The following CSAD variants were observed in gnomAD, a reference collection of about 807,000 sequenced individuals.
CSAD encodes the protein cysteine sulfinic acid decarboxylase, also known as P-selectin cytoplasmic tail-associated protein.
A neutral mutation model predicts 61.5 loss-of-function variants in CSAD; 47 were observed. That is an observed-to-expected ratio of 0.76 (90% CI 0.60 to 0.97). The LOEUF (loss-of-function observed/expected upper bound fraction) is 0.97. Ranked by LOEUF, CSAD falls within the 50% of genes least tolerant of loss-of-function variation. CSAD has a pLI of 0.00. For synonymous variants in CSAD, 245 were observed against 252.7 expected (o/e 0.97, Z 0.29); for missense variants, 611 against 643.6 (o/e 0.95, Z 0.55).
chr12:53,173,857 G>C, intron 2 of CSAD, 87 bp from the exon 3 acceptor site: 1 of 1,355,604 alleles, frequency 7.4e-7, no homozygotes, highest in South Asian at 1.2e-5. Context: ...CAAAGTTGTT[G>C]CAACCATCAT....
rs189662193 is a variant in CSAD at position 53,158,356 on chromosome 12, G to A, written c.*155C>T. ...TCACCTTATTGGCCAGGCTGGTCTC[G>A]AACTCCTGACCTCAAGTGATCCACC... On this transcript the variant is annotated 3_prime_UTR_variant, in exon 17 of 17. Transcript: ENST00000444623. 9.1e-3 allele frequency: 5,790 copies of A among 637,478 alleles called. 254 individuals carry two copies. In the African/African-American group the frequency reaches 0.096, roughly 11 times the overall value. 39.5% of individuals were successfully genotyped at this position (637,478 alleles called of 1,614,324 possible). A position where few individuals can be genotyped will look rare whatever the true frequency, so the allele number is the denominator to read the frequency against.
chr12:53,159,732 G>C lies in CSAD; in HGVS notation c.1219-20C>G. ...CTCAGGCTGAGAGGAATGAGAAAGA[G>C]GAAGGTGTGAGCTGAGAAAGGGGGA... On this transcript the variant is annotated intron_variant, in intron 15 of 16. Coordinates refer to ENST00000444623, the MANE Select transcript of CSAD (RefSeq NM_001244705.2). The C allele has an allele frequency of 6.3e-7, 1 of 1,595,646 alleles. No individual in the cohort carries two copies. The highest frequency in any genetic ancestry group is 8.6e-7 in the Non-Finnish European group (1 of 1,169,426).
intron 1 of CSAD, 136 bp downstream of exon 1, chr12:53,180,596 C>G (rs945052802): frequency 2.3e-6 from 3 of 1,285,210 alleles, no homozygotes; most frequent in Non-Finnish European, 3.0e-6. Context: ...CGTCCCCAAG[C>G]TCACCCGCTC....
intron 4 of CSAD, 49 bp downstream of exon 4, chr12:53,173,296 A>G: frequency 6.6e-7 from 1 of 1,521,556 alleles, no homozygotes; most frequent in South Asian, 1.2e-5. Flanking sequence ...GAAAAGAGAA[A>G]AGAAAAGAAA....
chr12:53,177,650 T>C (rs1353564090), intron 2 of CSAD, among the ~76,000 whole-genome samples: 1 of 152,010 alleles, frequency 6.6e-6, no homozygotes, highest in African/African-American at 2.4e-5. Context: ...TATTTATTTA[T>C]TTTTTGAGAC....
At chr12:53,170,559 G>A in intron 8 of CSAD, 57 bp from the exon 9 acceptor site, 2 of 1,384,424 alleles carry the variant, frequency 1.4e-6, no homozygotes, top group Non-Finnish European at 2.1e-6. Flanking sequence ...GGGAGAGAAG[G>A]TAAAAGTCAA....
At chr12:53,164,702 G>A (rs1244512924) in intron 10 of CSAD, 1 of 152,048 alleles carries the variant, frequency 6.6e-6, no homozygotes, top group African/African-American at 2.4e-5. Flanking sequence ...TAACAAACCT[G>A]CACATGTACT....
chr12:53,181,279 G>C (rs1175364712), upstream of CSAD: 1 of 985,296 alleles, frequency 1.0e-6, no homozygotes, highest in African/African-American at 1.7e-5. Flanking sequence ...TCCCGTTTCT[G>C]CCCGCCACCG....
At chr12:53,180,082 G>A (rs918000936) in intron 1 of CSAD, 1 of 1,390,984 alleles carries the variant, frequency 7.2e-7, no homozygotes. Context: ...GGAGGGCTGG[G>A]GCTTTGACTT....
At chr12:53,164,120 G>A (rs1191144262) in intron 10 of CSAD, among the ~76,000 whole-genome samples, 1 of 152,144 alleles carries the variant, frequency 6.6e-6, no homozygotes, top group East Asian at 1.9e-4. Context: ...TGGATCACAG[G>A]CCTAAATCCC....
chr12:53,166,197 G>T (rs1371225455), intron 10 of CSAD: 2 of 152,250 alleles, frequency 1.3e-5, no homozygotes, highest in Non-Finnish European at 2.9e-5. Flanking sequence ...GGGCATGGTG[G>T]TGCGCACCTG....
rs200243106 is a variant in CSAD at position 53,179,447 on chromosome 12, G to A, written c.-90-305C>T. On this transcript the variant is annotated intron_variant, in intron 1 of 16. Coordinates refer to ENST00000444623, the MANE Select transcript of CSAD (RefSeq NM_001244705.2). ...TCAGGAGCATGGGATAAGTAGAGGG[G>A]GAGAATAACCATTTTGTGTCTTTTA... 7.9e-5 allele frequency among the ~76,000 whole-genome samples: 12 copies of A among 152,238 alleles called. No individual in the cohort carries two copies. The South Asian group carries it at 1.2e-3, about 16-fold the overall frequency.
At position 53,180,181 on chromosome 12, in the gene CSAD, T is replaced by C. The variant is rs1458175420; in HGVS notation, c.-91+551A>G. The C allele has an allele frequency of 7.1e-6, 7 of 985,008 alleles. No individual in the cohort carries two copies. The Admixed American group carries it at 4.3e-4, about 61-fold the overall frequency. 61.0% of individuals were successfully genotyped at this position (985,008 alleles called of 1,614,324 possible). A position where few individuals can be genotyped will look rare whatever the true frequency, so the allele number is the denominator to read the frequency against. On this transcript the variant is annotated intron_variant, in intron 1 of 16. Coordinates refer to ENST00000444623, the MANE Select transcript of CSAD (RefSeq NM_001244705.2). Reference sequence around the variant, plus strand: ...TGTGGTTGAGCGCACAAAGCAAGAGTGTGCGAAGAAAAGTTAACGCCTCTC... The same window carrying C: ...TGTGGTTGAGCGCACAAAGCAAGAGCGTGCGAAGAAAAGTTAACGCCTCTC...
chr12:53,170,494 G>A lies in CSAD; in HGVS notation c.576C>T (p.Tyr192=), dbSNP rs768237616. The part of the protein sequence containing the change: ...LALFTSKECH[Y]SIQKGAAFLG... ...GAAACGCAGCTCCCTTCTGGATGGA[G>A]TAGTGACACTGTGGGGGAAGGCAGA... is the stretch of plus-strand genomic sequence containing the variant. The change falls in exon 9 of 17, where the codon TAC becomes TAT. Residue 192 remains tyrosine (Y), a synonymous_variant. Transcript: ENST00000444623. The A allele has an allele frequency of 1.2e-6, 2 of 1,614,052 alleles. No individual in the cohort carries two copies. The highest frequency in any genetic ancestry group is 1.7e-6 in the Non-Finnish European group (2 of 1,179,922).
At chr12:53,159,210 C>T (rs999643350) in intron 16 of CSAD, among the ~76,000 whole-genome samples, 5 of 152,174 alleles carry the variant, frequency 3.3e-5, no homozygotes, top group African/African-American at 9.7e-5. Flanking sequence ...CACCTAGTAC[C>T]ACTCTATCTT....
intron 16 of CSAD, 152 bp from the exon 17 acceptor site, chr12:53,158,836 C>T (rs1388629657): frequency 1.2e-5 from 8 of 662,406 alleles, no homozygotes; most frequent in African/African-American, 3.6e-5. Context: ...TGACCTTGGC[C>T]TCAGTTTACC....
rs752848114 is a variant in CSAD, at chr12:53,172,433, T to C, written c.257A>G (p.His86Arg). 1.2e-6 allele frequency: 2 copies of C among 1,613,846 alleles called. No individual in the cohort carries two copies. The highest frequency in any genetic ancestry group is 1.7e-6 in the Non-Finnish European group (2 of 1,179,972). The change falls in exon 6 of 17, where the codon CAC becomes CGC. Residue 86 changes from histidine to arginine, a missense_variant. Coordinates refer to ENST00000444623, the MANE Select transcript of CSAD (RefSeq NM_001244705.2). ...GAAGAGCTGGTTGAAGAACCGAGGG[T>C]GACCTGGAGAAGGAGAGTAAGCCAG... ...AVIRYSVKTGHPRFFNQLFSG... is the reference protein window; with the variant it reads ...AVIRYSVKTGRPRFFNQLFSG...
In CSAD at chr12:53,172,582, C is replaced by T. The variant is rs763041461; in HGVS notation, c.193G>A (p.Glu65Lys). 6.8e-6 allele frequency: 11 copies of T among 1,612,638 alleles called. No homozygotes were observed. Among genetic ancestry groups the T allele is most frequent in the South Asian group, 3.3e-5 (3 of 90,748 alleles). The change falls in exon 5 of 17, where the codon GAG becomes AAG. Residue 65 changes from glutamate (E) to lysine (K), a missense_variant. Physicochemically the swap from Glu to Lys is moderately conservative, Grantham distance 56. Transcript: ENST00000444623. ...CGCTCCAGGATCTGCTTCTGTGACT[C>T]GCCCTGGCTCCGCAGCTCCAAATCC... is the stretch of plus-strand genomic sequence containing the variant. Reference protein sequence around the residue: ...LLDLELRSQGESQKQILERCR... With the variant: ...LLDLELRSQGKSQKQILERCR...
chr12:53,170,077 C>T lies in CSAD; in HGVS notation c.697G>A (p.Ala233Thr). The change falls in exon 10 of 17, where the codon GCT (alanine) becomes ACT (threonine). Residue 233 changes from alanine to threonine, a missense_variant. Transcript: ENST00000444623. Reference protein sequence around the residue: ...DLERQIGMAEAEGAVPFLVSA... With the variant: ...DLERQIGMAETEGAVPFLVSA... The stretch of plus-strand genomic sequence containing the variant: ...AGCGAGCCTCACTGACTCACCTCAG[C>T]CTCGGCCATACCAATCTGCCTCTCC... 6.2e-7 allele frequency: 1 copy of T among 1,614,070 alleles called. No homozygotes were observed. Among genetic ancestry groups the T allele is most frequent in the Non-Finnish European group, 8.5e-7 (1 of 1,179,956 alleles).
Sources: gnomAD v4.1 joint callset for allele counts (sites outside exome capture counted in the v4.1 genomes callset) on GRCh38, gnomAD v4.1.1 for gene constraint, MANE v1.5 for transcripts, NCBI Gene and HGNC (gene_info 2026-07-23, HGNC 2026-07-21) for gene names.